The following LUZP2 variants were observed in gnomAD, a reference collection of about 807,000 sequenced individuals.
The protein encoded by LUZP2 is leucine zipper protein 2.
A neutral mutation model predicts 51.6 loss-of-function variants in LUZP2; 52 were observed. The ratio of observed to expected loss-of-function variants is 1.01; its 90% CI spans 0.81 to 1.27. The LOEUF (loss-of-function observed/expected upper bound fraction) is 1.27, where lower values mean the gene tolerates loss of function less well. Ranked by LOEUF, LUZP2 falls within the 50% of genes most tolerant of loss-of-function variation. The pLI, the probability that LUZP2 is intolerant of heterozygous loss-of-function variation, is 0.00. For synonymous variants in LUZP2, 154 were observed against 137.3 expected (o/e 1.12, Z -0.85); for missense variants, 436 against 395.4 (o/e 1.10, Z -0.87).
chr11:24,656,126 A>T (rs1031315633), intron 1 of LUZP2, among the ~76,000 whole-genome samples: 4 of 152,224 alleles, frequency 2.6e-5, no homozygotes, highest in South Asian at 2.1e-4. Flanking sequence ...AAACAGAAAT[A>T]GGTAACTCAA....
At chr11:24,833,543 T>A (rs1003714612) in intron 5 of LUZP2, among the ~76,000 whole-genome samples, 59 of 152,270 alleles carry the variant, frequency 3.9e-4, no homozygotes, top group African/African-American at 1.4e-3. Context: ...AACCCAGAGG[T>A]AGGTTCTCAA....
chr11:25,004,639 C>T (rs967861204), intron 9 of LUZP2, among the ~76,000 whole-genome samples: 61 of 152,194 alleles, frequency 4.0e-4, no homozygotes, highest in African/African-American at 1.3e-3. Context: ...CATAGCCAGT[C>T]GAGGAAAGTG....
chr11:24,786,181 G>A, intron 5 of LUZP2: 4 of 973,826 alleles, frequency 4.1e-6, no homozygotes, highest in Non-Finnish European at 3.7e-6. Flanking sequence ...CTAAAACCAA[G>A]AAGCATATTA....
chr11:24,663,994 T>C (rs950103226), intron 1 of LUZP2, among the ~76,000 whole-genome samples: 4 of 152,150 alleles, frequency 2.6e-5, no homozygotes, highest in African/African-American at 9.7e-5. Context: ...TATGTCTTCA[T>C]TGCAACATAA....
chr11:24,670,966 A>T (rs1265811415), intron 1 of LUZP2, among the ~76,000 whole-genome samples: 1 of 151,806 alleles, frequency 6.6e-6, no homozygotes, highest in African/African-American at 2.4e-5. Context: ...ATTTTCTTTT[A>T]AAGCTAATTC....
At chr11:25,057,784 C>T (rs1369205706) in intron 10 of LUZP2, among the ~76,000 whole-genome samples, 1 of 151,936 alleles carries the variant, frequency 6.6e-6, no homozygotes, top group African/African-American at 2.4e-5. Context: ...ATTACATCTG[C>T]TTGCAAGTCC....
At chr11:24,893,783 C>T (rs1852933838) in intron 5 of LUZP2, among the ~76,000 whole-genome samples, 1 of 151,780 alleles carries the variant, frequency 6.6e-6, no homozygotes, top group South Asian at 2.1e-4. Context: ...CACACACACA[C>T]ACACACACAC....
chr11:24,872,194 A>G (rs781387753), intron 5 of LUZP2, among the ~76,000 whole-genome samples: 2 of 152,140 alleles, frequency 1.3e-5, no homozygotes, highest in Non-Finnish European at 2.9e-5. Flanking sequence ...AGTTATTCTT[A>G]TCGGTGAATT....
At chr11:24,583,496 G>T (rs576424584) in intron 1 of LUZP2, among the ~76,000 whole-genome samples, 2 of 144,798 alleles carry the variant, frequency 1.4e-5, no homozygotes, top group Non-Finnish European at 3.0e-5. Context: ...GCTATCATTT[G>T]CTGTCATAAC....
chr11:24,971,963 G>C (rs1036113838), intron 7 of LUZP2, among the ~76,000 whole-genome samples: 1 of 151,860 alleles, frequency 6.6e-6, no homozygotes, highest in Non-Finnish European at 1.5e-5. Context: ...ACCATGGCAA[G>C]ATCCTGTTTT....
At chr11:24,873,367 T>C (rs1852143865) in intron 5 of LUZP2, among the ~76,000 whole-genome samples, 1 of 152,196 alleles carries the variant, frequency 6.6e-6, no homozygotes. Context: ...TTATATATAA[T>C]AAGCCCAGCA....
intron 1 of LUZP2, among the ~76,000 whole-genome samples, chr11:24,550,961 A>T (rs1201808971): frequency 6.6e-6 from 1 of 151,984 alleles, no homozygotes; most frequent in Non-Finnish European, 1.5e-5. Flanking sequence ...ACAAACACAC[A>T]CACAAAATGT....
intron 7 of LUZP2, among the ~76,000 whole-genome samples, chr11:24,961,509 C>A (rs550019968): frequency 1.8e-4 from 27 of 152,184 alleles, no homozygotes; most frequent in African/African-American, 6.3e-4. Flanking sequence ...TAATGGCCTT[C>A]TTTGTCTCTT....
intron 1 of LUZP2, among the ~76,000 whole-genome samples, chr11:24,543,589 G>C (rs1463103105): frequency 6.6e-6 from 1 of 152,058 alleles, no homozygotes; most frequent in Non-Finnish European, 1.5e-5. Flanking sequence ...GGGAGGCCAA[G>C]GCGGGCAGAT....
chr11:25,050,690 A>G (rs1858481877), intron 10 of LUZP2, among the ~76,000 whole-genome samples: 1 of 152,156 alleles, frequency 6.6e-6, no homozygotes, highest in East Asian at 1.9e-4. Context: ...ATGAGTTTTT[A>G]GAGAGGTAAG....
chr11:24,543,937 C>T (rs1464285180), intron 1 of LUZP2, among the ~76,000 whole-genome samples: 1 of 150,622 alleles, frequency 6.6e-6, no homozygotes, highest in Non-Finnish European at 1.5e-5. Flanking sequence ...GCTGAGACAT[C>T]ATTGAGCAGT....
chr11:24,976,704 A>G lies in LUZP2; in HGVS notation c.597+39A>G, dbSNP rs373128053. 125 of 308,384 alleles carry G rather than the reference A, an allele frequency of 4.1e-4. No homozygotes were observed. The African/African-American group carries it at 8.7e-3, about 22-fold the overall frequency. 19.1% of individuals were successfully genotyped at this position (308,384 alleles called of 1,614,324 possible). ...CATGAACCATTACAACTGTAGTTTT[A>G]GCAAAAAAAAAAAAAAAAAAAAAAA... On this transcript the variant is annotated intron_variant, in intron 8 of 11. Transcript: ENST00000336930.
intron 5 of LUZP2, among the ~76,000 whole-genome samples, chr11:24,872,633 G>C (rs998275019): frequency 2.6e-5 from 4 of 152,168 alleles, no homozygotes; most frequent in African/African-American, 9.6e-5. Context: ...AGCACTTATG[G>C]ATTTTTTTTA....
chr11:24,806,122 G>C (rs1463461123), intron 5 of LUZP2, among the ~76,000 whole-genome samples: 1 of 152,142 alleles, frequency 6.6e-6, no homozygotes, highest in Non-Finnish European at 1.5e-5. Flanking sequence ...AGTATTTCAT[G>C]GTCAAAAATC....
Sources: allele counts gnomAD v4.1 joint callset (sites outside exome capture counted in the v4.1 genomes callset), GRCh38; gene constraint gnomAD v4.1.1; transcripts MANE v1.5; gene names NCBI Gene and HGNC (gene_info 2026-07-23, HGNC 2026-07-21).